The following DRC2 variants were observed in gnomAD, a reference collection of about 807,000 sequenced individuals.
DRC2 encodes the protein coiled-coil domain containing 65.
At chr12:48,913,050 G>A in the DRC2 span, among the ~76,000 whole-genome samples, 1 of 141,928 alleles carries the variant, frequency 7.0e-6, no homozygotes, top group African/African-American at 2.7e-5. Context: ...GGCAGGAATC[G>A]TTTGAACCTG....
At chr12:48,906,717 C>G in the DRC2 span, among the ~76,000 whole-genome samples, 2,960 of 152,032 alleles carry the variant, frequency 0.019, 37 homozygotes, top group Non-Finnish European at 0.031. Context: ...AGGCGCCCAC[C>G]ACCAAGCCCA....
chr12:48,921,428 ACATC>A, the DRC2 span: 1 of 1,606,644 alleles, frequency 6.2e-7, no homozygotes, highest in Non-Finnish European at 8.5e-7. Context: ...GTGATAAACA[ACATC>A]CAACCACTTA....
At chr12:48,910,812 A>G in the DRC2 span, among the ~76,000 whole-genome samples, 2 of 152,176 alleles carry the variant, frequency 1.3e-5, no homozygotes, top group African/African-American at 4.8e-5. Flanking sequence ...TGGGAGGCCA[A>G]TGCAGGCGGA....
the DRC2 span, among the ~76,000 whole-genome samples, chr12:48,912,480 T>TCACA: frequency 7.5e-6 from 1 of 133,560 alleles, no homozygotes; most frequent in African/African-American, 3.0e-5. Context: ...ACTTGGCTTC[T>TCACA]CACAGCATGA....
At chr12:48,912,457 A>AAAAAAAAAAAAAAAC in the DRC2 span, among the ~76,000 whole-genome samples, 1 of 150,266 alleles carries the variant, frequency 6.7e-6, no homozygotes, top group East Asian at 1.9e-4. Context: ...AAAAAAAAAA[A>AAAAAAAAAAAAAAAC]AAATTCATGT....
At chr12:48,914,379 T>C in the DRC2 span, 1 of 1,564,774 alleles carries the variant, frequency 6.4e-7, no homozygotes, top group Non-Finnish European at 8.7e-7. Context: ...TCAGCTGGAA[T>C]GGTAACTCTC....
chr12:48,918,604 C>T, the DRC2 span: 2 of 1,500,150 alleles, frequency 1.3e-6, no homozygotes, highest in Admixed American at 1.8e-5. Flanking sequence ...GATTTCAGTC[C>T]CCAGGCAGCC....
At chr12:48,912,857 G>C in the DRC2 span, among the ~76,000 whole-genome samples, 1 of 151,190 alleles carries the variant, frequency 6.6e-6, no homozygotes, top group African/African-American at 2.4e-5. Flanking sequence ...CCCAGGTTCT[G>C]CCAGGGGCGG....
At chr12:48,919,890 G>T in the DRC2 span, among the ~76,000 whole-genome samples, 2 of 151,766 alleles carry the variant, frequency 1.3e-5, no homozygotes, top group Non-Finnish European at 1.5e-5. Flanking sequence ...GGAGGCCAAG[G>T]TGGGAGGATT....
chr12:48,920,453 A>T, the DRC2 span, among the ~76,000 whole-genome samples: 11 of 146,650 alleles, frequency 7.5e-5, no homozygotes, highest in East Asian at 2.0e-4. Flanking sequence ...AAAAAAAAAA[A>T]AAAAAAAAAA....
the DRC2 span, among the ~76,000 whole-genome samples, chr12:48,907,338 C>T: frequency 3.0e-3 from 455 of 152,226 alleles, 1 homozygote; most frequent in African/African-American, 9.8e-3. Flanking sequence ...AGGTCATCGC[C>T]AAGATCTGAT....
At chr12:48,912,000 C>G in the DRC2 span, among the ~76,000 whole-genome samples, 6 of 151,904 alleles carry the variant, frequency 3.9e-5, no homozygotes, top group Non-Finnish European at 5.9e-5. Context: ...TGGCTCACAC[C>G]TGTAATCCCA....
At chr12:48,905,134 A>G in the DRC2 span, 3 of 1,571,802 alleles carry the variant, frequency 1.9e-6, no homozygotes, top group East Asian at 6.8e-5. Flanking sequence ...TTTCCAAGGA[A>G]ACCTTGAGTA....
chr12:48,915,653 G>A, the DRC2 span, among the ~76,000 whole-genome samples: 7 of 151,726 alleles, frequency 4.6e-5, no homozygotes, highest in South Asian at 2.1e-4. Flanking sequence ...GGTGGTGGCC[G>A]GGCAGAGGGG....
chr12:48,908,956 C>T, the DRC2 span, among the ~76,000 whole-genome samples: 1 of 151,658 alleles, frequency 6.6e-6, no homozygotes. Flanking sequence ...GTGGTTCCCC[C>T]ATCTACAGGA....
the DRC2 span, chr12:48,904,522 C>T: frequency 8.3e-6 from 13 of 1,569,120 alleles, no homozygotes; most frequent in Non-Finnish European, 1.1e-5. Flanking sequence ...CCTGCCCTGG[C>T]CCTGTCACTG....
chr12:48,914,450 C>T, the DRC2 span: 103 of 1,614,076 alleles, frequency 6.4e-5, no homozygotes, highest in South Asian at 1.0e-3. Context: ...TACGCCCATG[C>T]CCTGCGCAGC....
At chr12:48,905,274 C>G in the DRC2 span, among the ~76,000 whole-genome samples, 2 of 152,308 alleles carry the variant, frequency 1.3e-5, no homozygotes, top group East Asian at 3.9e-4. Context: ...GAATATTGGG[C>G]TTTCATCCCT....
At chr12:48,904,276 G>A in the DRC2 span, 576,588 of 1,562,848 alleles carry the variant, frequency 0.37, 110,740 homozygotes, top group Admixed American at 0.51. Flanking sequence ...TTTCTTCTAA[G>A]CTCTGTAACG....
Sources: allele counts gnomAD v4.1 joint callset (sites outside exome capture counted in the v4.1 genomes callset), GRCh38; gene constraint gnomAD v4.1.1; transcripts MANE v1.5; gene names NCBI Gene and HGNC (gene_info 2026-07-23, HGNC 2026-07-21).